The following NPEPPS variants were observed in gnomAD, a reference collection of about 807,000 sequenced individuals.
The protein encoded by NPEPPS is aminopeptidase puromycin sensitive, also known as puromycin-sensitive aminopeptidase.
NPEPPS carries 14 observed loss-of-function variants against 115.5 expected under a neutral mutation model. The observed-to-expected ratio is 0.12, with a 90% confidence interval of 0.08 to 0.19. The LOEUF (loss-of-function observed/expected upper bound fraction) is 0.19. Among genes scored for constraint, NPEPPS ranks in the 10% least tolerant of loss-of-function variants. The pLI is 1.00. For missense variants in NPEPPS, 523 were observed against 1,110.8 expected, an observed-to-expected ratio of 0.47 and a Z score of 7.52; for synonymous variants, 285 against 390.6, an observed-to-expected ratio of 0.73 and a Z score of 3.19.
intron 22 of NPEPPS, 42 bp from the exon 23 acceptor site, chr17:47,621,726 A>AT: frequency 5.1e-6 from 8 of 1,554,166 alleles, no homozygotes; most frequent in Non-Finnish European, 7.0e-6. Flanking sequence ...TTAACTTCTT[A>AT]TTGCTAGTAA....
chr17:47,600,748 C>G (rs1392176671), intron 14 of NPEPPS, among the ~76,000 whole-genome samples: 1 of 152,156 alleles, frequency 6.6e-6, no homozygotes. Flanking sequence ...GTTTTGCTGT[C>G]TGATATGTAA....
In NPEPPS at chr17:47,623,189, C is replaced by G. The variant is rs570045811; in HGVS notation, c.*1269C>G. 7.7e-5 allele frequency: 13 copies of G among 169,378 alleles called. No homozygotes were observed. Among genetic ancestry groups the G allele is most frequent in the Non-Finnish European group, 1.5e-4 (12 of 78,452 alleles). The allele number at this position is 169,378 out of a possible 1,614,324, so 10.5% of individuals were successfully genotyped here. On this transcript the variant is annotated 3_prime_UTR_variant, in exon 23 of 23. Coordinates refer to ENST00000322157, the MANE Select transcript of NPEPPS (RefSeq NM_006310.4). ...TTCAGAAGGTCATCAGATTGTGAGACTGCTTCCTTGAAACATTTTTGTGCT... is the reference window on the plus strand; with the variant it reads ...TTCAGAAGGTCATCAGATTGTGAGAGTGCTTCCTTGAAACATTTTTGTGCT...
At chr17:47,612,733 G>T in intron 18 of NPEPPS, 131 bp downstream of exon 18, 1 of 774,284 alleles carries the variant, frequency 1.3e-6, no homozygotes. Flanking sequence ...GCATGATCTC[G>T]GCTCACTGCA....
intron 9 of NPEPPS, among the ~76,000 whole-genome samples, chr17:47,590,414 C>T (rs1912428888): frequency 6.6e-6 from 1 of 150,570 alleles, no homozygotes; most frequent in African/African-American, 2.4e-5. Context: ...ATCCCAGCTA[C>T]TGGTGAACAC....
rs1253871549 is a variant in NPEPPS at position 47,537,925 on chromosome 17, G to A, written c.255+6370G>A. On this transcript the variant is annotated intron_variant, in intron 1 of 22. Coordinates refer to ENST00000322157, the MANE Select transcript of NPEPPS (RefSeq NM_006310.4). ...TTTTTTCTTTTTGAGACGGAGTTTCGCTCTGTTGCCCAGGCTGGAGTGCAG... is the reference window on the plus strand; with the variant it reads ...TTTTTTCTTTTTGAGACGGAGTTTCACTCTGTTGCCCAGGCTGGAGTGCAG... 7.0e-5 allele frequency among the ~76,000 whole-genome samples: 10 copies of A among 143,462 alleles called. No homozygotes were observed. The South Asian group carries it at 1.5e-3, about 22-fold the overall frequency. The allele number at this position is 143,462 out of a possible 152,430, so 94.1% of individuals were successfully genotyped here. A position where few individuals can be genotyped will look rare whatever the true frequency, so the allele number is the denominator to read the frequency against.
intron 3 of NPEPPS, among the ~76,000 whole-genome samples, chr17:47,572,861 C>T (rs934763581): frequency 6.6e-6 from 1 of 152,058 alleles, no homozygotes; most frequent in Admixed American, 6.6e-5. Flanking sequence ...CCACAGCCTC[C>T]ACCTCGTGGG....
chr17:47,533,656 A>T (rs1907987730), intron 1 of NPEPPS, among the ~76,000 whole-genome samples: 1 of 152,182 alleles, frequency 6.6e-6, no homozygotes, highest in Admixed American at 6.6e-5. Context: ...AAGTATCGGG[A>T]TAGAACAACA....
chr17:47,557,701 G>A (rs1236961927), intron 2 of NPEPPS, among the ~76,000 whole-genome samples: 1 of 148,908 alleles, frequency 6.7e-6, no homozygotes, highest in East Asian at 2.0e-4. Flanking sequence ...AGTTATGGCT[G>A]TTGTTGCTTG....
intron 2 of NPEPPS, among the ~76,000 whole-genome samples, chr17:47,568,290 T>C (rs2611894): frequency 2.0e-5 from 3 of 151,846 alleles, no homozygotes; most frequent in Admixed American, 2.0e-4. Flanking sequence ...CATGCCTCAG[T>C]CTCCCGCATA....
chr17:47,536,500 TCTC>T (rs1306563670), intron 1 of NPEPPS, among the ~76,000 whole-genome samples: 1 of 145,904 alleles, frequency 6.9e-6, no homozygotes, highest in African/African-American at 2.5e-5. Flanking sequence ...TTCAAGCAAT[TCTC>T]CTGCCTTAGC....
Position 47,619,768 on chromosome 17 carries a change from T to A in NPEPPS, c.2591T>A (p.Met864Lys), listed in dbSNP as rs1914426114. ...LSVEGFAVDK[M>K]AGEVKAFFES... ...GTTGAGGGATTTGCAGTTGATAAAA[T>A]GGCTGGAGAGGTTAAGGTAAGGAAA... The change falls in exon 22 of 23, where the codon ATG (methionine) becomes AAG (lysine). Residue 864 changes from methionine to lysine, a missense_variant. Coordinates refer to ENST00000322157, the MANE Select transcript of NPEPPS (RefSeq NM_006310.4). The A allele has an allele frequency of 1.9e-6, 3 of 1,613,560 alleles. No homozygotes were observed. The highest frequency in any genetic ancestry group is 2.5e-6 in the Non-Finnish European group (3 of 1,179,540).
chr17:47,526,906 T>G (rs2612000), upstream of NPEPPS, among the ~76,000 whole-genome samples: 3 of 152,012 alleles, frequency 2.0e-5, no homozygotes, highest in African/African-American at 4.8e-5. Flanking sequence ...TGCAGTGAGC[T>G]GAGATCGCGC....
chr17:47,582,666 G>C lies in NPEPPS; in HGVS notation c.541-76G>C, dbSNP rs776405774. On this transcript the variant is annotated intron_variant, in intron 4 of 22. Transcript: ENST00000322157. ...ACAAGGGAATGAATGAATGACAGAG[G>C]GAAATGGTGACTGCTTTATGAAATA... is the stretch of plus-strand genomic sequence containing the variant. The C allele has an allele frequency of 8.8e-6, 8 of 907,118 alleles. No individual in the cohort carries two copies. The South Asian group carries it at 1.1e-4, about 12-fold the overall frequency. The allele number at this position is 907,118 out of a possible 1,614,324, so 56.2% of individuals were successfully genotyped here.
intron 3 of NPEPPS, among the ~76,000 whole-genome samples, chr17:47,570,630 TGTG>T (rs1911137865): frequency 6.6e-6 from 1 of 152,228 alleles, no homozygotes; most frequent in Non-Finnish European, 1.5e-5. Flanking sequence ...GCTTAGTGTA[TGTG>T]GAAGAAATTA....
upstream of NPEPPS, among the ~76,000 whole-genome samples, chr17:47,527,103 T>C (rs1907466653): frequency 6.6e-6 from 1 of 152,196 alleles, no homozygotes; most frequent in Non-Finnish European, 1.5e-5. Context: ...GTCCTTGAAT[T>C]TCTGTGTGCC....
At chr17:47,590,003 T>TC (rs1567860540) in intron 9 of NPEPPS, among the ~76,000 whole-genome samples, 1 of 152,222 alleles carries the variant, frequency 6.6e-6, no homozygotes, top group Non-Finnish European at 1.5e-5. Flanking sequence ...GCTTTTTTTT[T>TC]CCCTCTTCTT....
intron 3 of NPEPPS, among the ~76,000 whole-genome samples, chr17:47,569,777 C>T (rs1388084750): frequency 1.4e-4 from 21 of 152,076 alleles, no homozygotes; most frequent in South Asian, 4.1e-4. Context: ...ACCACCACAC[C>T]GGCTAATTTT....
intron 3 of NPEPPS, among the ~76,000 whole-genome samples, chr17:47,575,905 A>C (rs1463049267): frequency 6.6e-6 from 1 of 152,040 alleles, no homozygotes; most frequent in African/African-American, 2.4e-5. Context: ...ACCACGCCCC[A>C]CCGACAATAT....
intron 18 of NPEPPS, among the ~76,000 whole-genome samples, chr17:47,613,116 G>A (rs1913978663): frequency 6.6e-6 from 1 of 152,122 alleles, no homozygotes; most frequent in Non-Finnish European, 1.5e-5. Context: ...GTGTTGCAGT[G>A]CTGAAAGGTG....
Sources: gnomAD v4.1 joint callset for allele counts (sites outside exome capture counted in the v4.1 genomes callset) on GRCh38, gnomAD v4.1.1 for gene constraint, MANE v1.5 for transcripts, NCBI Gene and HGNC (gene_info 2026-07-23, HGNC 2026-07-21) for gene names.